The following VAT1L variants were observed in gnomAD, a reference collection of about 807,000 sequenced individuals.
VAT1L encodes putative NADPH-dependent quinone oxidoreductase VAT1L.
A neutral mutation model predicts 44.1 loss-of-function variants in VAT1L; 34 were observed. That is an observed-to-expected ratio of 0.77 (90% CI 0.59 to 1.03). VAT1L has a LOEUF of 1.03. Among genes scored for constraint, VAT1L ranks in the 50% least tolerant of loss-of-function variants. The pLI is 0.00. For missense variants in VAT1L, 615 were observed against 538.8 expected (o/e 1.14, Z -1.40); for synonymous variants, 253 against 202.2 (o/e 1.25, Z -2.13).
intron 4 of VAT1L, among the ~76,000 whole-genome samples, chr16:77,864,953 T>A (rs899237227): frequency 1.3e-5 from 2 of 150,060 alleles, no homozygotes; most frequent in African/African-American, 2.5e-5. Flanking sequence ...AGCTCTCAGG[T>A]AATTCTTCTT....
At chr16:77,956,490 C>T (rs1050998186) in intron 7 of VAT1L, among the ~76,000 whole-genome samples, 1 of 152,142 alleles carries the variant, frequency 6.6e-6, no homozygotes. Context: ...TGTCAGCTGC[C>T]GCAATGATCA....
intron 6 of VAT1L, among the ~76,000 whole-genome samples, chr16:77,883,687 C>G (rs937991668): frequency 6.6e-6 from 1 of 152,150 alleles, no homozygotes; most frequent in African/African-American, 2.4e-5. Context: ...CAAAACTACC[C>G]CCAGTTCAGA....
chr16:77,862,203 A>G (rs1232123440), intron 3 of VAT1L, among the ~76,000 whole-genome samples: 2 of 152,184 alleles, frequency 1.3e-5, no homozygotes, highest in African/African-American at 4.8e-5. Flanking sequence ...CAATGTCTGG[A>G]TACATTTGTG....
chr16:77,872,024 G>T (rs1363114217), intron 4 of VAT1L, among the ~76,000 whole-genome samples: 1 of 152,092 alleles, frequency 6.6e-6, no homozygotes, highest in Non-Finnish European at 1.5e-5. Flanking sequence ...TGGGCTCTGT[G>T]TTCCATTTGC....
At chr16:77,931,767 T>C (rs888665808) in intron 7 of VAT1L, among the ~76,000 whole-genome samples, 1 of 152,198 alleles carries the variant, frequency 6.6e-6, no homozygotes, top group Non-Finnish European at 1.5e-5. Context: ...AAAATATATA[T>C]TGATCTTACT....
chr16:77,844,171 A>C (rs947592345), intron 3 of VAT1L, among the ~76,000 whole-genome samples: 1 of 152,322 alleles, frequency 6.6e-6, no homozygotes, highest in South Asian at 2.1e-4. Flanking sequence ...TATGGGTTTC[A>C]TATCTGTGGA....
chr16:77,906,125 C>T (rs1053573686), intron 7 of VAT1L, among the ~76,000 whole-genome samples: 2 of 152,172 alleles, frequency 1.3e-5, no homozygotes, highest in African/African-American at 4.8e-5. Context: ...AAAGTACCTT[C>T]TTTATTCACT....
intron 4 of VAT1L, among the ~76,000 whole-genome samples, chr16:77,874,262 C>T (rs1488764120): frequency 1.3e-5 from 2 of 152,000 alleles, no homozygotes; most frequent in Non-Finnish European, 2.9e-5. Context: ...CTTGATGGCT[C>T]AGGAGGGTGG....
intron 2 of VAT1L, among the ~76,000 whole-genome samples, chr16:77,818,995 G>T (rs920210454): frequency 4.1e-5 from 6 of 147,266 alleles, no homozygotes; most frequent in Non-Finnish European, 9.1e-5. Flanking sequence ...TTTTGGCCAG[G>T]ACTGATTTTT....
At position 77,860,375 on chromosome 16, in the gene VAT1L, G is replaced by C. The variant is rs949261036; in HGVS notation, c.580-2373G>C. Among the ~76,000 whole-genome samples the C allele has an allele frequency of 3.9e-5, 6 of 152,320 alleles. No homozygotes were observed. In the South Asian group the frequency reaches 1.2e-3, roughly 32 times the overall value. ...GGTGGAGACAAATGCCAAAACGATA[G>C]AGACCCAAGTCCAGGACTCAGTGGG... On this transcript the variant is annotated intron_variant, in intron 3 of 8. Transcript: ENST00000302536.
chr16:77,823,114 C>T (rs575910015), intron 2 of VAT1L, among the ~76,000 whole-genome samples: 2 of 152,088 alleles, frequency 1.3e-5, no homozygotes, highest in East Asian at 3.9e-4. Flanking sequence ...GAGGCTGAAG[C>T]AGCTCTATTC....
intron 7 of VAT1L, among the ~76,000 whole-genome samples, chr16:77,887,491 T>C (rs1009116723): frequency 6.6e-6 from 1 of 152,126 alleles, no homozygotes; most frequent in Admixed American, 6.5e-5. Context: ...AGCCTCCCAA[T>C]GGAGAAGCTC....
At chr16:77,917,990 T>TC (rs927624801) in intron 7 of VAT1L, among the ~76,000 whole-genome samples, 1 of 151,836 alleles carries the variant, frequency 6.6e-6, no homozygotes, top group African/African-American at 2.4e-5. Context: ...CAATTATTCG[T>TC]CCCCCAACTA....
chr16:77,891,869 G>A (rs912965532), intron 7 of VAT1L, among the ~76,000 whole-genome samples: 4 of 152,118 alleles, frequency 2.6e-5, no homozygotes, highest in Non-Finnish European at 5.9e-5. Context: ...TCAGGAGATC[G>A]AGACCACCCT....
At chr16:77,806,403 G>T (rs1229991832) in intron 1 of VAT1L, among the ~76,000 whole-genome samples, 3 of 151,654 alleles carry the variant, frequency 2.0e-5, no homozygotes, top group East Asian at 3.9e-4. Context: ...GTAGAGACAG[G>T]TTTCACCATG....
chr16:77,925,060 G>A (rs1449116773), intron 7 of VAT1L, among the ~76,000 whole-genome samples: 1 of 152,160 alleles, frequency 6.6e-6, no homozygotes, highest in Non-Finnish European at 1.5e-5. Flanking sequence ...GTTATGTAAA[G>A]CTCCTCATGG....
intron 7 of VAT1L, among the ~76,000 whole-genome samples, chr16:77,926,936 C>T (rs534707359): frequency 6.6e-6 from 1 of 152,286 alleles, no homozygotes; most frequent in African/African-American, 2.4e-5. Context: ...CAATCACTTC[C>T]TCCAGATTGT....
rs764203751 is a variant in VAT1L, at chr16:77,788,864, A to T, written c.182A>T (p.Lys61Met). The change falls in exon 1 of 9, where the codon AAG (lysine) becomes ATG (methionine). Residue 61 changes from lysine (K) to methionine (M), a missense_variant. Transcript: ENST00000302536. The stretch of plus-strand genomic sequence containing the variant: ...CTCAACAAGCTGCGGCTCTTCAGGA[A>T]GGCCATGCCCGAGCCTCAGGACGGC... ...GGLNKLRLFR[K>M]AMPEPQDGEL... The T allele has an allele frequency of 6.4e-7, 1 of 1,572,748 alleles. No individual in the cohort carries two copies.
Position 77,845,585 on chromosome 16 carries a change from G to C in VAT1L, c.580-17163G>C, listed in dbSNP as rs78247608. On this transcript the variant is annotated intron_variant, in intron 3 of 8. Transcript: ENST00000302536. ...ACTTGTGGGGAAATTCAAACCCTTT[G>C]AACAAGTCTTTGATGATCAGCCAAG... Among the ~76,000 whole-genome samples, 576 of 152,164 alleles carry C rather than the reference G, an allele frequency of 3.8e-3. 5 individuals carry two copies. Among genetic ancestry groups the C allele is most frequent in the African/African-American group, 0.013 (556 of 41,512 alleles).
Sources: allele counts gnomAD v4.1 joint callset (sites outside exome capture counted in the v4.1 genomes callset), GRCh38; gene constraint gnomAD v4.1.1; transcripts MANE v1.5; gene names NCBI Gene and HGNC (gene_info 2026-07-23, HGNC 2026-07-21).